The following OSBPL1A variants were observed in gnomAD, a reference collection of about 807,000 sequenced individuals.
OSBPL1A encodes oxysterol-binding protein-related protein 1.
A neutral mutation model predicts 137.1 loss-of-function variants in OSBPL1A; 80 were observed. The observed-to-expected ratio is 0.58, with a 90% CI of 0.49 to 0.70. The LOEUF (loss-of-function observed/expected upper bound fraction) is 0.70. Among genes scored for constraint, OSBPL1A ranks in the 30% least tolerant of loss-of-function variants. The pLI is 0.00. For synonymous variants in OSBPL1A, 365 were observed against 389.7 expected, an observed-to-expected ratio of 0.94 and a Z score of 0.75; for missense variants, 970 against 1,129.4, an observed-to-expected ratio of 0.86 and a Z score of 2.02.
intron 15 of OSBPL1A, among the ~76,000 whole-genome samples, chr18:24,247,397 T>A (rs1266356147): frequency 6.6e-6 from 1 of 152,216 alleles, no homozygotes; most frequent in Non-Finnish European, 1.5e-5. Context: ...CTGGAGGCGA[T>A]GCCCTATGGG....
chr18:24,290,622 G>T (rs2090158798), intron 14 of OSBPL1A, among the ~76,000 whole-genome samples: 1 of 152,196 alleles, frequency 6.6e-6, no homozygotes, highest in Non-Finnish European at 1.5e-5. Flanking sequence ...GGCGGAGGTT[G>T]CAGTGAGCTG....
intron 15 of OSBPL1A, among the ~76,000 whole-genome samples, chr18:24,276,824 A>G (rs1326079295): frequency 6.6e-6 from 1 of 152,152 alleles, no homozygotes; most frequent in Non-Finnish European, 1.5e-5. Context: ...AACCTCGATT[A>G]TGTAGATCAT....
At chr18:24,272,087 G>T in intron 15 of OSBPL1A, 12 of 982,692 alleles carry the variant, frequency 1.2e-5, no homozygotes, top group Non-Finnish European at 1.4e-5. Context: ...GGAGGCGCAG[G>T]TAGGGACCGC....
At chr18:24,185,328 C>CTTTT (rs200202342) in intron 18 of OSBPL1A, among the ~76,000 whole-genome samples, 3 of 139,908 alleles carry the variant, frequency 2.1e-5, no homozygotes, top group Admixed American at 7.1e-5. Context: ...ATTCTTTTTT[C>CTTTT]TTTTTTTTTT....
chr18:24,259,079 C>T (rs1330507888), intron 15 of OSBPL1A, among the ~76,000 whole-genome samples: 4 of 151,724 alleles, frequency 2.6e-5, no homozygotes, highest in Non-Finnish European at 5.9e-5. Flanking sequence ...TGGGACTACG[C>T]CCAGCTAATT....
chr18:24,328,933 T>C (rs891187920), intron 7 of OSBPL1A, among the ~76,000 whole-genome samples: 1 of 152,218 alleles, frequency 6.6e-6, no homozygotes, highest in African/African-American at 2.4e-5. Flanking sequence ...CACCTCTTTT[T>C]TCACTTTTAA....
chr18:24,318,458 A>T (rs965429339), intron 9 of OSBPL1A, 143 bp downstream of exon 9: 1 of 734,986 alleles, frequency 1.4e-6, no homozygotes, highest in Non-Finnish European at 2.2e-6. Context: ...ATAAAAAAAA[A>T]AATCAGTGGT....
chr18:24,374,335 GC>G (rs1158865969), intron 2 of OSBPL1A, among the ~76,000 whole-genome samples: 1 of 152,088 alleles, frequency 6.6e-6, no homozygotes, highest in Non-Finnish European at 1.5e-5. Context: ...GGAGGAAGTA[GC>G]AAAAAGAATA....
chr18:24,366,767 TG>T, intron 4 of OSBPL1A, 124 bp downstream of exon 4: 1 of 842,368 alleles, frequency 1.2e-6, no homozygotes, highest in Non-Finnish European at 1.8e-6. Flanking sequence ...CCCAAAGTGC[TG>T]GTGTATACAT....
At chr18:24,166,385 TA>T (rs1487725397) in intron 26 of OSBPL1A, among the ~76,000 whole-genome samples, 193 bp downstream of exon 26, 1 of 152,172 alleles carries the variant, frequency 6.6e-6, no homozygotes. Flanking sequence ...TAATATGAGC[TA>T]ATAAGGTCTG....
At chr18:24,355,299 C>T (rs2091513919) in intron 4 of OSBPL1A, among the ~76,000 whole-genome samples, 1 of 151,222 alleles carries the variant, frequency 6.6e-6, no homozygotes, top group Admixed American at 6.6e-5. Context: ...GTCAGGAGTT[C>T]TAGACCACCG....
intron 13 of OSBPL1A, among the ~76,000 whole-genome samples, chr18:24,311,165 G>C (rs112064414): frequency 6.6e-6 from 1 of 152,082 alleles, no homozygotes; most frequent in Non-Finnish European, 1.5e-5. Flanking sequence ...TTAATGTAAA[G>C]GTCCCTAAGT....
At chr18:24,249,903 C>T (rs1022784191) in intron 15 of OSBPL1A, among the ~76,000 whole-genome samples, 3 of 152,170 alleles carry the variant, frequency 2.0e-5, no homozygotes, top group African/African-American at 7.2e-5. Context: ...TAGGTGGCAC[C>T]TGACCTAGGA....
intron 18 of OSBPL1A, among the ~76,000 whole-genome samples, chr18:24,188,132 T>C (rs762628451): frequency 1.1e-4 from 17 of 152,262 alleles, no homozygotes; most frequent in African/African-American, 3.6e-4. Flanking sequence ...AAGGAATAGA[T>C]GGACCAGGGA....
chr18:24,335,253 A>G (rs2091155644), intron 5 of OSBPL1A, among the ~76,000 whole-genome samples: 1 of 152,180 alleles, frequency 6.6e-6, no homozygotes, highest in Admixed American at 6.5e-5. Context: ...GCTCCTTAAA[A>G]ATACTAACTC....
chr18:24,395,707 C>T (rs75753170), intron 1 of OSBPL1A, among the ~76,000 whole-genome samples: 5 of 151,776 alleles, frequency 3.3e-5, no homozygotes, highest in African/African-American at 1.2e-4. Flanking sequence ...TTACCATCTC[C>T]GCCTCCTGGG....
At chr18:24,316,428 T>C (rs2090736381) in intron 11 of OSBPL1A, among the ~76,000 whole-genome samples, 1 of 151,330 alleles carries the variant, frequency 6.6e-6, no homozygotes, top group South Asian at 2.1e-4. Context: ...AGACAGAAAA[T>C]AAATATAAAG....
rs76207678 is a variant in OSBPL1A, at chr18:24,378,443, C to T, written c.-2-908G>A. Among the ~76,000 whole-genome samples, 833 of 152,308 alleles carry T rather than the reference C, an allele frequency of 5.5e-3. 9 individuals are homozygous for T. The highest frequency in any genetic ancestry group is 0.019 in the African/African-American group (782 of 41,568). ...ATATATACCATTTACTTTGTCTAGG[C>T]AACTCTATTTCTAGAAATCTATCCT... On this transcript the variant is annotated intron_variant, in intron 1 of 27. Coordinates refer to ENST00000319481, the MANE Select transcript of OSBPL1A (RefSeq NM_080597.4).
At chr18:24,282,231 A>G (rs539083292) in intron 14 of OSBPL1A, among the ~76,000 whole-genome samples, 18 of 152,236 alleles carry the variant, frequency 1.2e-4, no homozygotes, top group Non-Finnish European at 2.6e-4. Context: ...TAAGAAAAAC[A>G]GCTGACAAGA....
Sources: allele counts gnomAD v4.1 joint callset (sites outside exome capture counted in the v4.1 genomes callset), GRCh38; gene constraint gnomAD v4.1.1; transcripts MANE v1.5; gene names NCBI Gene and HGNC (gene_info 2026-07-23, HGNC 2026-07-21).